The following KLHL17 variants were observed in gnomAD, a reference collection of about 807,000 sequenced individuals.
KLHL17 encodes kelch-like protein 17.
In KLHL17, 71 loss-of-function variants were observed where a neutral mutation model predicts 64.6. The observed-to-expected ratio is 1.10, with a 90% CI of 0.91 to 1.34. KLHL17 has a LOEUF of 1.34. Ranked by LOEUF, KLHL17 falls within the 40% of genes most tolerant of loss-of-function variation. The pLI is 0.00. For synonymous variants in KLHL17, 612 were observed against 405.4 expected (o/e 1.51, Z -6.12); for missense variants, 1,140 against 935.0 (o/e 1.22, Z -2.86).
In KLHL17 at chr1:963,377, G is replaced by A. The variant is rs930706281; in HGVS notation, c.1228G>A (p.Asp410Asn). The change falls in exon 8 of 12, where the codon GAC becomes AAC. Residue 410 changes from aspartate (D) to asparagine (N), a missense_variant. Asp to Asn is a conservative substitution (Grantham distance 23). Transcript: ENST00000338591. ...TSDLATVESY[D>N]PVTNTWQPEV... is the part of the protein sequence containing the mutation. ...AGACCTGGCTACCGTGGAGTCCTAC[G>A]ACCCCGTGACTAACACGTGGCAGCC... The A allele has an allele frequency of 8.7e-6, 14 of 1,612,526 alleles. No homozygotes were observed. The highest frequency in any genetic ancestry group is 4.4e-5 in the South Asian group (4 of 91,052).
At chr1:962,186 T>C in intron 4 of KLHL17, 139 bp downstream of exon 4, 1 of 1,284,310 alleles carries the variant, frequency 7.8e-7, no homozygotes, top group South Asian at 1.3e-5. Context: ...GAGACCTTTC[T>C]GGATCTGGGC....
In KLHL17 at chr1:961,966, C is replaced by T; in HGVS notation, c.630C>T (p.Leu210=). The T allele has an allele frequency of 1.9e-6, 3 of 1,612,934 alleles. No individual in the cohort carries two copies. The highest frequency in any genetic ancestry group is 1.6e-4 in the Middle Eastern group (1 of 6,062). Residue 210 remains leucine (L), a synonymous_variant, in exon 4 of 12, where the codon CTC becomes CTT. Coordinates refer to ENST00000338591, the MANE Select transcript of KLHL17 (RefSeq NM_198317.3). ...FADAHSCSDL[L]KAAHRYVLQH... The stretch of plus-strand genomic sequence containing the variant: ...ATGCGCACTCCTGCAGCGACCTGCT[C>T]AAGGCCGCCCACAGGTACGTGCTGC...
At position 961,791 on chromosome 1, in the gene KLHL17, T is replaced by C. The variant is rs774539979; in HGVS notation, c.490-35T>C. 10 of 1,611,170 alleles carry C rather than the reference T, an allele frequency of 6.2e-6. No individual in the cohort carries two copies. The South Asian group carries it at 1.1e-4, about 18-fold the overall frequency. On this transcript the variant is annotated intron_variant, in intron 3 of 11. Coordinates refer to ENST00000338591, the MANE Select transcript of KLHL17 (RefSeq NM_198317.3). ...CCCGGATCCCGGTGTCCCCCGACCC[T>C]GTGCCTCCCTCACCTGCCTCTCGGT...
intron 4 of KLHL17, 70 bp downstream of exon 4, chr1:962,117 C>G (rs1265325894): frequency 1.4e-6 from 2 of 1,413,858 alleles, no homozygotes; most frequent in Non-Finnish European, 2.0e-6. Context: ...TGACTCCCGA[C>G]CCCGTTTTGT....
intron 4 of KLHL17, 42 bp from the exon 5 acceptor site, chr1:962,313 G>A (rs1322211635): frequency 3.7e-6 from 6 of 1,610,834 alleles, no homozygotes; most frequent in Non-Finnish European, 5.1e-6. Context: ...TGGGTCCACA[G>A]GACCCTCCCC....
Position 963,146 on chromosome 1 carries a change from G to A in KLHL17, c.1080G>A (p.Glu360=), listed in dbSNP as rs1184976419. 6.2e-7 allele frequency: 1 copy of A among 1,612,022 alleles called. No homozygotes were observed. The highest frequency in any genetic ancestry group is 8.5e-7 in the Non-Finnish European group (1 of 1,179,560). The part of the protein sequence containing the change: ...GSLFAIHGDC[E]AYDTRTDRWH... ...TGTTTGCCATCCACGGAGACTGTGAGGCCTACGACACGCGCACCGACCGCT... is the reference window on the plus strand; with the variant it reads ...TGTTTGCCATCCACGGAGACTGTGAAGCCTACGACACGCGCACCGACCGCT... Residue 360 remains glutamate, a synonymous_variant, in exon 7 of 12, where the codon GAG becomes GAA. Coordinates refer to ENST00000338591, the MANE Select transcript of KLHL17 (RefSeq NM_198317.3).
rs1336953986 is a variant in KLHL17, at chr1:965,393, GGTCCTCCTGCGT to G, written c.*210_*221del. 2.7e-5 allele frequency: 16 copies of G among 599,594 alleles called. No individual in the cohort carries two copies. Among genetic ancestry groups the G allele is most frequent in the Admixed American group, 6.2e-5 (2 of 32,286 alleles). The allele number at this position is 599,594 out of a possible 1,614,324, so 37.1% of individuals were successfully genotyped here. ...CTGCCCGTTTACACCTTTAGCGTCT[GGTCCTCCTGCGT>G]GTCCTCCCCTCCACTGCCTGCATGG... On this transcript the variant is annotated 3_prime_UTR_variant, in exon 12 of 12. Transcript: ENST00000338591.
In KLHL17 at chr1:963,387, C is replaced by CT; in HGVS notation, c.1239dup (p.Asn414Ter). 6.2e-7 allele frequency: 1 copy of CT among 1,612,658 alleles called. No homozygotes were observed. The highest frequency in any genetic ancestry group is 8.5e-7 in the Non-Finnish European group (1 of 1,179,856). ...ACCGTGGAGTCCTACGACCCCGTGA[C>CT]TAACACGTGGCAGCCGGAGGTGTCC... On this transcript the variant is annotated frameshift_variant, in exon 8 of 12. Coordinates refer to ENST00000338591, the MANE Select transcript of KLHL17 (RefSeq NM_198317.3). LOFTEE classifies it high-confidence loss of function.
intron 10 of KLHL17, 38 bp downstream of exon 10, chr1:964,218 C>T (rs374385116): frequency 6.0e-5 from 97 of 1,605,154 alleles, no homozygotes; most frequent in Non-Finnish European, 7.7e-5. Context: ...CCCTCCCGTG[C>T]GCCGCGGGGC....
Position 960,686 on chromosome 1 carries a change from GC to G in KLHL17, c.-7del. The G allele has an allele frequency of 7.3e-7, 1 of 1,373,514 alleles. No individual in the cohort carries two copies. The highest frequency in any genetic ancestry group is 9.5e-7 in the Non-Finnish European group (1 of 1,057,164). The allele number at this position is 1,373,514 out of a possible 1,614,324, so 85.1% of individuals were successfully genotyped here. A position where few individuals can be genotyped will look rare whatever the true frequency, so the allele number is the denominator to read the frequency against. ...CCTCCGCGAATCGGCGGTGGGTCCG[GC>G]AGCCGAATGCAGCCCCGCAGCGAGC... On this transcript the variant is annotated 5_prime_UTR_variant, in exon 1 of 12. Transcript: ENST00000338591.
At chr1:964,215 G>C in intron 10 of KLHL17, 35 bp downstream of exon 10, 1 of 1,608,872 alleles carries the variant, frequency 6.2e-7, no homozygotes, top group Non-Finnish European at 8.5e-7. Context: ...ACCCCCTCCC[G>C]TGCGCCGCGG....
In KLHL17 at chr1:963,568, C is replaced by T. The variant is rs972281932; in HGVS notation, c.1355+64C>T. On this transcript the variant is annotated intron_variant, in intron 8 of 11. Transcript: ENST00000338591. ...ATCTGCAAGAGGCAAGTTTGTGTCA[C>T]CATCACAGGGGTCGTATCTGATGGG... 28 of 1,519,288 alleles carry T rather than the reference C, an allele frequency of 1.8e-5. No individual in the cohort carries two copies. In the Admixed American group the frequency reaches 3.5e-4, roughly 19 times the overall value. The allele number at this position is 1,519,288 out of a possible 1,614,324, so 94.1% of individuals were successfully genotyped here. A position where few individuals can be genotyped will look rare whatever the true frequency, so the allele number is the denominator to read the frequency against.
At chr1:964,865 C>T (rs1642866901) in intron 11 of KLHL17, 98 bp from the exon 12 acceptor site, 2 of 1,010,066 alleles carry the variant, frequency 2.0e-6, no homozygotes, top group East Asian at 2.6e-5. Flanking sequence ...GTTCTCCCAA[C>T]CTCAGCGAGC....
intron 1 of KLHL17, 105 bp from the exon 2 acceptor site, chr1:961,188 T>C (rs1305248545): frequency 1.2e-6 from 1 of 845,976 alleles, no homozygotes; most frequent in Non-Finnish European, 1.5e-6. Context: ...GGCGCCCCCG[T>C]CGCACCAGGG....
intron 5 of KLHL17, 106 bp downstream of exon 5, chr1:962,577 T>C: frequency 1.3e-6 from 2 of 1,530,572 alleles, no homozygotes; most frequent in Non-Finnish European, 1.8e-6. Flanking sequence ...TCCGTGGGGG[T>C]GGTGCCCCCA....
chr1:964,371 C>T lies in KLHL17; in HGVS notation c.1541C>T (p.Ala514Val), dbSNP rs750941864. Residue 514 changes from alanine (A) to valine (V), a missense_variant, in exon 11 of 12, where the codon GCG (alanine) becomes GTG (valine). Coordinates refer to ENST00000338591, the MANE Select transcript of KLHL17 (RefSeq NM_198317.3). ...EPQVNVWSPV[A>V]SMLSRRSSAG... is the part of the protein sequence containing the mutation. ...CAGGTGAACGTGTGGTCGCCCGTGG[C>T]GTCCATGCTGAGCCGACGCAGCTCA... 22 of 1,556,494 alleles carry T rather than the reference C, an allele frequency of 1.4e-5. No homozygotes were observed. The highest frequency in any genetic ancestry group is 1.2e-4 in the East Asian group (5 of 41,142).
Position 960,810 on chromosome 1 carries a change from C to T in KLHL17, c.107+10C>T. Reference sequence around the variant, plus strand: ...CGCCGCAGCCGCCGGCGTGAGTGGGCGGGGGTCGGGGCGCGGGGGGCGGCC... The same window carrying T: ...CGCCGCAGCCGCCGGCGTGAGTGGGTGGGGGTCGGGGCGCGGGGGGCGGCC... On this transcript the variant is annotated intron_variant, in intron 1 of 11. Coordinates refer to ENST00000338591, the MANE Select transcript of KLHL17 (RefSeq NM_198317.3). 2.0e-6 allele frequency: 2 copies of T among 1,005,240 alleles called. No homozygotes were observed. The highest frequency in any genetic ancestry group is 4.6e-5 in the South Asian group (1 of 21,902). 62.3% of individuals were successfully genotyped at this position (1,005,240 alleles called of 1,614,324 possible).
rs747175868 is a variant in KLHL17, at chr1:963,524, C to T, written c.1355+20C>T. 17 of 1,596,178 alleles carry T rather than the reference C, an allele frequency of 1.1e-5. No individual in the cohort carries two copies. Among genetic ancestry groups the T allele is most frequent in the South Asian group, 2.2e-5 (2 of 89,616 alleles). ...GAACAGGTAGTTGGGGTTGGGGCCCCAGTGGCTTTGTACAGTCCATCTGCA... is the reference window on the plus strand; with the variant it reads ...GAACAGGTAGTTGGGGTTGGGGCCCTAGTGGCTTTGTACAGTCCATCTGCA... On this transcript the variant is annotated intron_variant, in intron 8 of 11. Coordinates refer to ENST00000338591, the MANE Select transcript of KLHL17 (RefSeq NM_198317.3).
chr1:964,529 A>T lies in KLHL17; in HGVS notation c.1699A>T (p.Arg567Trp). The change falls in exon 11 of 12, where the codon AGG (arginine) becomes TGG (tryptophan). Residue 567 changes from arginine (R) to tryptophan (W), a missense_variant and splice_region_variant. Arg to Trp is a moderately radical substitution (Grantham distance 101). Transcript: ENST00000338591. ...AAGCGTGGCGCCCATGAATATCCGCAGGTCCGCAGTGGGGCTGCGGGGAGG... is the reference window on the plus strand; with the variant it reads ...AAGCGTGGCGCCCATGAATATCCGCTGGTCCGCAGTGGGGCTGCGGGGAGG... Reference protein sequence around the residue: ...WESVAPMNIRRSTHDLVAMDG... With the variant: ...WESVAPMNIRWSTHDLVAMDG... The T allele has an allele frequency of 1.4e-6, 2 of 1,478,914 alleles. No individual in the cohort carries two copies. Among genetic ancestry groups the T allele is most frequent in the Non-Finnish European group, 9.0e-7 (1 of 1,110,698 alleles). 91.6% of individuals were successfully genotyped at this position (1,478,914 alleles called of 1,614,324 possible). A position where few individuals can be genotyped will look rare whatever the true frequency, so the allele number is the denominator to read the frequency against.
Sources: allele counts gnomAD v4.1 joint callset, GRCh38; gene constraint gnomAD v4.1.1; transcripts MANE v1.5; gene names NCBI Gene and HGNC (gene_info 2026-07-23, HGNC 2026-07-21).